Variants in PI4KB observed in about 807,000 individuals in gnomAD.
The protein encoded by PI4KB is PtdIns 4-kinase beta.
A neutral mutation model predicts 81.4 loss-of-function variants in PI4KB; 23 were observed. The observed-to-expected ratio is 0.28, with a 90% CI of 0.20 to 0.40. PI4KB has a LOEUF of 0.40. PI4KB is among the 10% of genes least tolerant of loss of function. The pLI is 1.00. For synonymous variants in PI4KB, 381 were observed against 406.8 expected (o/e 0.94, Z 0.76); for missense variants, 651 against 1,036.6 (o/e 0.63, Z 5.11).
intron 1 of PI4KB, 93 bp downstream of exon 1, chr1:151,327,178 C>G (rs1310383284): frequency 2.5e-6 from 1 of 392,670 alleles, no homozygotes; most frequent in East Asian, 3.6e-5. Context: ...TAGTCGAACT[C>G]AGGTGGGGAA....
chr1:151,325,980 A>C (rs1649553390), intron 1 of PI4KB, among the ~76,000 whole-genome samples: 1 of 152,096 alleles, frequency 6.6e-6, no homozygotes, highest in Admixed American at 6.6e-5. Context: ...CCATTGTCTC[A>C]TGTTCCTTTT....
In PI4KB at chr1:151,303,548, C is replaced by T. The variant is rs753382269; in HGVS notation, c.1513G>A (p.Asp505Asn). The change falls in exon 6 of 12, where the codon GAC (aspartate) becomes AAC (asparagine). Residue 505 changes from aspartate (D) to asparagine (N), a missense_variant. Asp to Asn is a conservative substitution (Grantham distance 23, BLOSUM62 1). Transcript: ENST00000368873. ...AATGTGATCTGGCCATACCGGATGT[C>T]CCCTGCTGCAATGAACACAGGCTCC... ...SKEPVFIAAG[D>N]IRRRLSEQLA... 1 of 1,603,770 alleles carries T rather than the reference C, an allele frequency of 6.2e-7. No individual in the cohort carries two copies. Among genetic ancestry groups the T allele is most frequent in the East Asian group, 2.2e-5 (1 of 44,816 alleles).
intron 3 of PI4KB, among the ~76,000 whole-genome samples, chr1:151,308,445 C>T (rs1053907011): frequency 1.6e-4 from 25 of 152,174 alleles, no homozygotes; most frequent in African/African-American, 5.6e-4. Flanking sequence ...TTGCATTAAT[C>T]AAGGAGAAAG....
intron 1 of PI4KB, among the ~76,000 whole-genome samples, chr1:151,321,281 C>T (rs2102014490): frequency 6.6e-6 from 1 of 152,326 alleles, no homozygotes; most frequent in Non-Finnish European, 1.5e-5. Context: ...CTCTCAGGAA[C>T]CCAGGCACTG....
intron 4 of PI4KB, among the ~76,000 whole-genome samples, 186 bp downstream of exon 4, chr1:151,307,387 AG>A (rs1571178145): frequency 6.6e-6 from 1 of 152,320 alleles, no homozygotes; most frequent in East Asian, 1.9e-4. Flanking sequence ...AAGCCCAAAA[AG>A]GGATACAGGG....
At position 151,301,972 on chromosome 1, in the gene PI4KB, G is replaced by A. The variant is rs587690361; in HGVS notation, c.1626-5C>T. 6.2e-7 allele frequency: 1 copy of A among 1,613,364 alleles called. No individual in the cohort carries two copies. The highest frequency in any genetic ancestry group is 1.1e-5 in the South Asian group (1 of 91,020). ...GGGGAGCCCTCTCTGATCCGCCTGT[G>A]AAGACAGAAGTAAAGGGTGTCAAAG... is the stretch of plus-strand genomic sequence containing the variant. On this transcript the variant is annotated splice_polypyrimidine_tract_variant and splice_region_variant and intron_variant, in intron 7 of 11. Transcript: ENST00000368873.
intron 8 of PI4KB, among the ~76,000 whole-genome samples, chr1:151,301,409 T>A (rs182474486): frequency 1.2e-4 from 19 of 152,134 alleles, no homozygotes; most frequent in African/African-American, 3.4e-4. Flanking sequence ...TTTATTTTTT[T>A]TTTTTTGAGA....
intron 9 of PI4KB, among the ~76,000 whole-genome samples, 171 bp from the exon 10 acceptor site, chr1:151,294,712 C>A (rs1694649223): frequency 6.6e-6 from 1 of 152,128 alleles, no homozygotes; most frequent in Non-Finnish European, 1.5e-5. Flanking sequence ...CTAAAGCTAT[C>A]AGTGGAAAGA....
intron 5 of PI4KB, among the ~76,000 whole-genome samples, chr1:151,304,835 T>C (rs1321188290): frequency 6.6e-6 from 1 of 151,772 alleles, no homozygotes; most frequent in Admixed American, 6.6e-5. Flanking sequence ...CTGGCTTTTT[T>C]TTTTTTTTCT....
chr1:151,310,887 G>A (rs1696163293), intron 2 of PI4KB, among the ~76,000 whole-genome samples: 1 of 152,144 alleles, frequency 6.6e-6, no homozygotes, highest in African/African-American at 2.4e-5. Context: ...CTCTGGGCTG[G>A]ATGCTGATGG....
At chr1:151,304,844 C>A (rs1031604133) in intron 5 of PI4KB, among the ~76,000 whole-genome samples, 3 of 102,520 alleles carry the variant, frequency 2.9e-5, no homozygotes, top group Admixed American at 1.0e-4. Context: ...TTTTTTTTTT[C>A]TTTTGAGACG....
intron 1 of PI4KB, among the ~76,000 whole-genome samples, chr1:151,319,731 C>T (rs957813823): frequency 1.3e-5 from 2 of 152,184 alleles, no homozygotes; most frequent in African/African-American, 4.8e-5. Context: ...ATCAGATCAA[C>T]CTGGCTCCAG....
rs1274060872 is a variant in PI4KB, at chr1:151,307,730, G to C, written c.1026C>G (p.Leu342=). The change falls in exon 4 of 12, where the codon CTC becomes CTG. Residue 342 remains leucine (L), a synonymous_variant. Transcript: ENST00000368873. ...LMAIGKRLAT[L]PTKEQKTQRL... ...TCTGTGTTTTCTGCTCTTTGGTGGG[G>C]AGCGTGGCCAGCCGCTTGCCGATCG... 1 of 1,614,170 alleles carries C rather than the reference G, an allele frequency of 6.2e-7. No homozygotes were observed. The highest frequency in any genetic ancestry group is 1.1e-5 in the South Asian group (1 of 91,080).
chr1:151,307,201 C>G (rs1206232247), intron 4 of PI4KB, among the ~76,000 whole-genome samples: 1 of 152,148 alleles, frequency 6.6e-6, no homozygotes, highest in African/African-American at 2.4e-5. Context: ...CAGAAAAGGT[C>G]TTAGAAACAA....
chr1:151,293,307 G>C, intron 11 of PI4KB: 1 of 1,381,766 alleles, frequency 7.2e-7, no homozygotes, highest in Non-Finnish European at 9.5e-7. Context: ...GAGGGGCCCA[G>C]AGGGCAGGCT....
At chr1:151,317,794 G>A (rs748035819) in intron 1 of PI4KB, among the ~76,000 whole-genome samples, 2 of 151,458 alleles carry the variant, frequency 1.3e-5, no homozygotes, top group Non-Finnish European at 2.9e-5. Context: ...CTACACACAG[G>A]TCCTGTGCAT....
chr1:151,309,085 T>A (rs1470567662), intron 3 of PI4KB, among the ~76,000 whole-genome samples: 2 of 152,130 alleles, frequency 1.3e-5, no homozygotes, highest in Non-Finnish European at 2.9e-5. Context: ...TTAAGTGACA[T>A]TGTTGAAAAG....
intron 1 of PI4KB, among the ~76,000 whole-genome samples, chr1:151,319,891 C>T (rs1283077150): frequency 6.6e-6 from 1 of 152,210 alleles, no homozygotes; most frequent in African/African-American, 2.4e-5. Context: ...TTAGTGACAT[C>T]ACCTTCAACC....
At chr1:151,299,516 C>A (rs933989262) in intron 8 of PI4KB, among the ~76,000 whole-genome samples, 6 of 151,938 alleles carry the variant, frequency 3.9e-5, no homozygotes, top group Admixed American at 2.0e-4. Context: ...AGAGTGAAAC[C>A]TCGTCTTTAC....
Sources: allele counts gnomAD v4.1 joint callset (sites outside exome capture counted in the v4.1 genomes callset), GRCh38; gene constraint gnomAD v4.1.1; transcripts MANE v1.5; gene names NCBI Gene and HGNC (gene_info 2026-07-23, HGNC 2026-07-21).